Variants in CMSS1 observed in about 807,000 individuals in gnomAD.
CMSS1 encodes the protein protein CMSS1.
CMSS1 carries 33 observed loss-of-function variants against 43.5 expected under a neutral mutation model. The observed-to-expected ratio is 0.76, with a 90% CI of 0.57 to 1.01. The LOEUF (loss-of-function observed/expected upper bound fraction) is 1.01. CMSS1 is among the 50% of genes least tolerant of loss of function. The pLI, the probability that CMSS1 is intolerant of heterozygous loss-of-function variation, is 0.00. For missense variants in CMSS1, 313 were observed against 326.4 expected (o/e 0.96, Z 0.32); for synonymous variants, 115 against 117.2 (o/e 0.98, Z 0.12).
intron 1 of CMSS1, among the ~76,000 whole-genome samples, chr3:100,039,269 A>G (rs1239421310): frequency 2.6e-5 from 4 of 152,176 alleles, no homozygotes; most frequent in African/African-American, 9.7e-5. Flanking sequence ...AAACTGAGCA[A>G]CCTTTTCTAA....
intron 1 of CMSS1, among the ~76,000 whole-genome samples, chr3:99,999,143 T>C (rs1218328534): frequency 6.6e-6 from 1 of 151,792 alleles, no homozygotes; most frequent in Non-Finnish European, 1.5e-5. Context: ...CCATGAATTG[T>C]ATTTAGTGTT....
chr3:100,050,990 T>A (rs62285462), intron 1 of CMSS1, among the ~76,000 whole-genome samples: 28,170 of 152,208 alleles, frequency 0.19, 2,949 homozygotes, highest in South Asian at 0.25. Context: ...TTCACATGTT[T>A]TAGGTAGCAG....
At chr3:99,853,061 C>T (rs1243180727) in intron 1 of CMSS1, among the ~76,000 whole-genome samples, 2 of 152,174 alleles carry the variant, frequency 1.3e-5, no homozygotes, top group African/African-American at 2.4e-5. Context: ...CCCATGGTTT[C>T]TGGCCATGCC....
At chr3:100,131,294 C>T (rs1006043518) in intron 1 of CMSS1, among the ~76,000 whole-genome samples, 2 of 152,144 alleles carry the variant, frequency 1.3e-5, no homozygotes, top group Non-Finnish European at 2.9e-5. Context: ...TTTTAATCCC[C>T]GTGCTATAGT....
chr3:100,014,553 C>G (rs1559725682), intron 1 of CMSS1, among the ~76,000 whole-genome samples: 1 of 152,024 alleles, frequency 6.6e-6, no homozygotes. Context: ...GAGGTGATAT[C>G]TTATTGTGGT....
intron 1 of CMSS1, among the ~76,000 whole-genome samples, chr3:100,083,917 G>A (rs575545143): frequency 7.9e-5 from 12 of 152,276 alleles, no homozygotes; most frequent in Admixed American, 6.5e-4. Flanking sequence ...TTGGTCAGAA[G>A]TACTAAGGTT....
At chr3:99,939,664 C>T (rs889947512) in intron 1 of CMSS1, among the ~76,000 whole-genome samples, 1 of 152,124 alleles carries the variant, frequency 6.6e-6, no homozygotes, top group African/African-American at 2.4e-5. Flanking sequence ...AAGTATGGAT[C>T]CAAAAATTTG....
At chr3:100,114,872 A>G (rs767448529) in intron 1 of CMSS1, 1 of 1,092,890 alleles carries the variant, frequency 9.2e-7, no homozygotes, top group Admixed American at 2.1e-5. Flanking sequence ...AAGGCACTGT[A>G]AACATTCGCT....
At chr3:99,989,664 C>A (rs989942496) in intron 1 of CMSS1, among the ~76,000 whole-genome samples, 1 of 62,802 alleles carries the variant, frequency 1.6e-5, no homozygotes, top group African/African-American at 8.0e-5. Context: ...GTATCTTCCT[C>A]TATATATATA....
chr3:100,092,528 A>G (rs1019258233), intron 1 of CMSS1, among the ~76,000 whole-genome samples: 4 of 151,656 alleles, frequency 2.6e-5, no homozygotes, highest in Admixed American at 6.6e-5. Context: ...AATTTCCTTA[A>G]AATACCCTTG....
At chr3:99,989,924 A>G (rs1175982188) in intron 1 of CMSS1, among the ~76,000 whole-genome samples, 1 of 152,100 alleles carries the variant, frequency 6.6e-6, no homozygotes, top group Non-Finnish European at 1.5e-5. Flanking sequence ...CTTAGTTCCA[A>G]GACACCTGGT....
rs1421688977 is a variant in CMSS1 at position 99,838,269 on chromosome 3, G to GTGGGGCTT, written c.64+20227_64+20234dup. Among the ~76,000 whole-genome samples the GTGGGGCTT allele has an allele frequency of 1.9e-4, 29 of 152,316 alleles. 1 individual carries two copies. The highest frequency in any genetic ancestry group is 2.6e-4 in the Non-Finnish European group (18 of 68,042). ...GTCTTCCCCGTGCCTGCCCATTTGT[G>GTGGGGCTT]TGGGGCTTGGCTTCTCACATTCATT... On this transcript the variant is annotated intron_variant, in intron 1 of 9. Coordinates refer to ENST00000421999, the MANE Select transcript of CMSS1 (RefSeq NM_032359.4).
chr3:99,944,357 T>A (rs1423303842), intron 1 of CMSS1, among the ~76,000 whole-genome samples: 1 of 152,204 alleles, frequency 6.6e-6, no homozygotes, highest in Non-Finnish European at 1.5e-5. Context: ...CCAAGCTGGC[T>A]ACAGCTGTTC....
chr3:100,047,100 A>C (rs1460729787), intron 1 of CMSS1, among the ~76,000 whole-genome samples: 1 of 152,194 alleles, frequency 6.6e-6, no homozygotes, highest in East Asian at 1.9e-4. Context: ...TAGCCATTGA[A>C]GTTTTCTAAC....
At chr3:100,082,596 T>C (rs1270011256) in intron 1 of CMSS1, among the ~76,000 whole-genome samples, 1 of 152,220 alleles carries the variant, frequency 6.6e-6, no homozygotes, top group Admixed American at 6.5e-5. Flanking sequence ...TTCATATTTC[T>C]GGTCAGAAGA....
intron 1 of CMSS1, among the ~76,000 whole-genome samples, chr3:99,985,808 C>G (rs761961348): frequency 6.6e-6 from 1 of 152,086 alleles, no homozygotes; most frequent in African/African-American, 2.4e-5. Flanking sequence ...AGGCTGGTCT[C>G]GAACTCCTGA....
At chr3:100,144,339 T>G (rs6767441) in intron 1 of CMSS1, among the ~76,000 whole-genome samples, 1 of 151,988 alleles carries the variant, frequency 6.6e-6, no homozygotes, top group Admixed American at 6.5e-5. Context: ...TCCACTAGGC[T>G]TCCTCTGACA....
chr3:100,006,393 T>C (rs1709986284), intron 1 of CMSS1, among the ~76,000 whole-genome samples: 1 of 152,162 alleles, frequency 6.6e-6, no homozygotes, highest in African/African-American at 2.4e-5. Flanking sequence ...AACAGCCTTT[T>C]TTCCTCCTTC....
Position 100,155,646 on chromosome 3 carries a change from T to C in CMSS1, c.154-4784T>C, listed in dbSNP as rs573449472. Among the ~76,000 whole-genome samples the C allele has an allele frequency of 2.0e-5, 3 of 152,276 alleles. No individual in the cohort carries two copies. In the South Asian group the frequency reaches 6.2e-4, roughly 32 times the overall value. On this transcript the variant is annotated intron_variant, in intron 2 of 9. Transcript: ENST00000421999. ...AATCCCATAGCTTCCTTTTGTTTGG[T>C]TTCACCCTTTATATTCTGAAATACA...
Sources: gnomAD v4.1 joint callset for allele counts (sites outside exome capture counted in the v4.1 genomes callset) on GRCh38, gnomAD v4.1.1 for gene constraint, MANE v1.5 for transcripts, NCBI Gene and HGNC (gene_info 2026-07-23, HGNC 2026-07-21) for gene names.